The following ASAP1 variants were observed in gnomAD, a reference collection of about 807,000 sequenced individuals.
ASAP1 encodes the protein arf-GAP with SH3 domain, ANK repeat and PH domain-containing protein 1.
ASAP1 carries 43 observed loss-of-function variants against 145.2 expected under a neutral mutation model. That is an observed-to-expected ratio of 0.30 (90% CI 0.23 to 0.38). ASAP1 has a LOEUF of 0.38. Ranked by LOEUF, ASAP1 falls within the 10% of genes least tolerant of loss-of-function variation. ASAP1 has a pLI of 1.00. For synonymous variants in ASAP1, 546 were observed against 515.5 expected (o/e 1.06, Z -0.80); for missense variants, 1,018 against 1,355.3 (o/e 0.75, Z 3.91).
At chr8:130,127,276 G>A (rs2097576457) in intron 16 of ASAP1, among the ~76,000 whole-genome samples, 1 of 152,094 alleles carries the variant, frequency 6.6e-6, no homozygotes, top group African/African-American at 2.4e-5. Flanking sequence ...GAGTGCAATG[G>A]TGCAATCTTG....
intron 2 of ASAP1, among the ~76,000 whole-genome samples, chr8:130,396,221 C>G (rs1453179729): frequency 6.6e-6 from 1 of 152,166 alleles, no homozygotes; most frequent in Non-Finnish European, 1.5e-5. Context: ...AAATTAGATG[C>G]TCAGGAAACA....
At chr8:130,156,924 T>C (rs2097659232) in intron 12 of ASAP1, among the ~76,000 whole-genome samples, 3 of 152,364 alleles carry the variant, frequency 2.0e-5, no homozygotes, top group Middle Eastern at 3.4e-3. Flanking sequence ...CACTTAGAAT[T>C]AGGCAATTCT....
chr8:130,163,283 C>A (rs1222288124), intron 11 of ASAP1, among the ~76,000 whole-genome samples: 1 of 152,206 alleles, frequency 6.6e-6, no homozygotes, highest in Admixed American at 6.5e-5. Flanking sequence ...AACAAGGATT[C>A]AGACACTAAC....
At chr8:130,364,040 G>A (rs1023144797) in intron 2 of ASAP1, among the ~76,000 whole-genome samples, 14 of 151,960 alleles carry the variant, frequency 9.2e-5, no homozygotes, top group African/African-American at 2.7e-4. Flanking sequence ...AATTGCACTC[G>A]TGCAATTTCA....
chr8:130,431,921 A>G (rs1444668752), intron 1 of ASAP1, among the ~76,000 whole-genome samples: 18 of 120,692 alleles, frequency 1.5e-4, no homozygotes, highest in Admixed American at 1.0e-3. Context: ...GAGGAGGAAG[A>G]GAGGAAGGGA....
chr8:130,230,007 G>A (rs978170004), intron 4 of ASAP1, among the ~76,000 whole-genome samples: 13 of 152,006 alleles, frequency 8.6e-5, no homozygotes, highest in African/African-American at 9.7e-5. Flanking sequence ...CAAGGATGCC[G>A]TGAGTGAGAC....
intron 5 of ASAP1, among the ~76,000 whole-genome samples, chr8:130,211,282 T>C (rs1248966094): frequency 6.6e-6 from 1 of 152,200 alleles, no homozygotes; most frequent in Non-Finnish European, 1.5e-5. Context: ...GTGCAATCCT[T>C]TTCGCAGTCC....
chr8:130,266,873 G>A (rs1820278547), intron 3 of ASAP1, among the ~76,000 whole-genome samples: 1 of 152,008 alleles, frequency 6.6e-6, no homozygotes, highest in African/African-American at 2.4e-5. Context: ...TAAAATAGCT[G>A]ATGAGAGAAT....
At chr8:130,383,531 C>G (rs2138413375) in intron 2 of ASAP1, among the ~76,000 whole-genome samples, 1 of 152,300 alleles carries the variant, frequency 6.6e-6, no homozygotes, top group South Asian at 2.1e-4. Flanking sequence ...GAGTGCTAAG[C>G]TCTCTCATGA....
At chr8:130,310,672 C>A (rs567501744) in intron 3 of ASAP1, among the ~76,000 whole-genome samples, 1 of 151,480 alleles carries the variant, frequency 6.6e-6, no homozygotes, top group African/African-American at 2.4e-5. Flanking sequence ...CACCAAATCA[C>A]ATATTCTCTA....
At chr8:130,058,239 A>G (rs915617814) in intron 28 of ASAP1, among the ~76,000 whole-genome samples, 163 bp from the exon 29 acceptor site, 3 of 152,186 alleles carry the variant, frequency 2.0e-5, no homozygotes, top group African/African-American at 4.8e-5. Flanking sequence ...TCAGGCACCC[A>G]GCATACTGTG....
At chr8:130,208,980 A>C (rs1816406063) in intron 5 of ASAP1, among the ~76,000 whole-genome samples, 1 of 152,208 alleles carries the variant, frequency 6.6e-6, no homozygotes, top group South Asian at 2.1e-4. Flanking sequence ...CCAAGTGTCA[A>C]TTATAGTTAT....
At chr8:130,342,603 G>T (rs1825455920) in intron 3 of ASAP1, among the ~76,000 whole-genome samples, 1 of 152,100 alleles carries the variant, frequency 6.6e-6, no homozygotes, top group Admixed American at 6.5e-5. Context: ...AACTGAGAAA[G>T]CACCATCCTA....
At chr8:130,112,865 G>T (rs553172366) in intron 23 of ASAP1, among the ~76,000 whole-genome samples, 1 of 152,162 alleles carries the variant, frequency 6.6e-6, no homozygotes, top group African/African-American at 2.4e-5. Flanking sequence ...TGGCCCATGA[G>T]GTATCTCTGG....
At chr8:130,218,684 A>G (rs571397841) in intron 4 of ASAP1, among the ~76,000 whole-genome samples, 1 of 152,244 alleles carries the variant, frequency 6.6e-6, no homozygotes, top group Admixed American at 6.5e-5. Flanking sequence ...CTACAATCTC[A>G]TATTTCACCC....
intron 24 of ASAP1, among the ~76,000 whole-genome samples, chr8:130,109,613 T>G (rs1422787160): frequency 6.6e-6 from 1 of 152,024 alleles, no homozygotes; most frequent in African/African-American, 2.4e-5. Context: ...ATCCTTGTTT[T>G]CATGCAAATG....
In ASAP1 at chr8:130,078,598, A is replaced by C. The variant is rs531345251; in HGVS notation, c.2642+1304T>G. 5.3e-5 allele frequency among the ~76,000 whole-genome samples: 8 copies of C among 152,250 alleles called. No homozygotes were observed. The South Asian group carries it at 1.5e-3, about 28-fold the overall frequency. On this transcript the variant is annotated intron_variant, in intron 26 of 29. Transcript: ENST00000518721. Reference sequence around the variant, plus strand: ...TGTGTCCAGCCTTTAAAAACCTTTTATGAGTGCTTTTGGAGTGTCAGATAT... The same window carrying C: ...TGTGTCCAGCCTTTAAAAACCTTTTCTGAGTGCTTTTGGAGTGTCAGATAT...
In ASAP1 at chr8:130,411,802, A is replaced by G. The variant is rs1829277067; in HGVS notation, c.-27-9832T>C. ...TCCCAGCAAGGCCAGCACCATAGGC[A>G]TGTTTTATGTGGCTGGAAATCCTGT... On this transcript the variant is annotated intron_variant, in intron 1 of 29. Coordinates refer to ENST00000518721, the MANE Select transcript of ASAP1 (RefSeq NM_018482.4). 3.3e-5 allele frequency among the ~76,000 whole-genome samples: 5 copies of G among 152,308 alleles called. No individual in the cohort carries two copies. In the South Asian group the frequency reaches 1.0e-3, roughly 32 times the overall value.
intron 3 of ASAP1, among the ~76,000 whole-genome samples, chr8:130,316,889 A>G (rs1823694379): frequency 6.6e-6 from 1 of 152,218 alleles, no homozygotes; most frequent in Non-Finnish European, 1.5e-5. Context: ...AAGATCAACT[A>G]ATGGCAAATA....
Sources: allele counts gnomAD v4.1 joint callset (sites outside exome capture counted in the v4.1 genomes callset), GRCh38; gene constraint gnomAD v4.1.1; transcripts MANE v1.5; gene names NCBI Gene and HGNC (gene_info 2026-07-23, HGNC 2026-07-21).